The following MED28 variants were observed in gnomAD, a reference collection of about 807,000 sequenced individuals.
MED28 encodes mediator complex subunit 28.
In MED28, 26 loss-of-function variants were observed where a neutral mutation model predicts 21.3. The ratio of observed to expected loss-of-function variants is 1.22; its 90% CI spans 0.89 to 1.69. The LOEUF (loss-of-function observed/expected upper bound fraction) is 1.69, where lower values mean the gene tolerates loss of function less well. Among genes scored for constraint, MED28 ranks in the 40% most tolerant of loss-of-function variants. MED28 has a pLI of 0.00. For synonymous variants in MED28, 110 were observed against 87.6 expected, an observed-to-expected ratio of 1.26 and a Z score of -1.43; for missense variants, 257 against 215.4, an observed-to-expected ratio of 1.19 and a Z score of -1.21.
chr4:17,632,916 CA>C lies in MED28; in HGVS notation c.*9120del. The C allele has an allele frequency of 4.6e-6, 1 of 217,696 alleles. No individual in the cohort carries two copies. Among genetic ancestry groups the C allele is most frequent in the Non-Finnish European group, 9.3e-6 (1 of 107,516 alleles). 13.5% of individuals were successfully genotyped at this position (217,696 alleles called of 1,614,324 possible). A position where few individuals can be genotyped will look rare whatever the true frequency, so the allele number is the denominator to read the frequency against. On this transcript the variant is annotated 3_prime_UTR_variant, in exon 4 of 4. Transcript: ENST00000237380. ...TGCAGGATTAACCAAACCTACAGAT[CA>C]AGAGACTTTGTTTTTATTTTTTGTG...
chr4:17,624,045 CTG>C lies in MED28; in HGVS notation c.*250_*251del, dbSNP rs894490330. The C allele has an allele frequency of 2.0e-6, 1 of 494,002 alleles. No individual in the cohort carries two copies. Among genetic ancestry groups the C allele is most frequent in the Non-Finnish European group, 3.6e-6 (1 of 274,970 alleles). 30.6% of individuals were successfully genotyped at this position (494,002 alleles called of 1,614,324 possible). A position where few individuals can be genotyped will look rare whatever the true frequency, so the allele number is the denominator to read the frequency against. On this transcript the variant is annotated 3_prime_UTR_variant, in exon 4 of 4. Transcript: ENST00000237380. Reference sequence around the variant, plus strand: ...TTTTTTGTCTTTAGCAAAGTTTAGACTGTGAATATGATGACACAGATTCTTTT... The same window carrying C: ...TTTTTTGTCTTTAGCAAAGTTTAGACTGAATATGATGACACAGATTCTTTT...
In MED28 at chr4:17,614,719, G is replaced by T. The variant is rs756555671; in HGVS notation, c.65G>T (p.Gly22Val). The change falls in exon 1 of 4, where the codon GGC becomes GTC. Residue 22 changes from glycine (G) to valine (V), a missense_variant. Coordinates refer to ENST00000237380, the MANE Select transcript of MED28 (RefSeq NM_025205.5). ...CCCGGTCCCCCTCAGGCCCCGCCGG[G>T]CCTTCCGGGCCAAGCTTCGCTTCTT... The part of the protein sequence containing the change: ...QPPGPPQAPP[G>V]LPGQASLLQA... 7 of 1,614,216 alleles carry T rather than the reference G, an allele frequency of 4.3e-6. No individual in the cohort carries two copies. Among genetic ancestry groups the T allele is most frequent in the Non-Finnish European group, 5.9e-6 (7 of 1,180,040 alleles).
rs1328613596 is a variant in MED28 at position 17,626,906 on chromosome 4, T to G, written c.*3108T>G. On this transcript the variant is annotated 3_prime_UTR_variant, in exon 4 of 4. Coordinates refer to ENST00000237380, the MANE Select transcript of MED28 (RefSeq NM_025205.5). The stretch of plus-strand genomic sequence containing the variant: ...ATTTGACATTCCTCCCAGAAGAACC[T>G]CTGCCTCCCAGAGGTTTAAGCAGTT... 1.3e-5 allele frequency: 2 copies of G among 151,092 alleles called. No individual in the cohort carries two copies. The highest frequency in any genetic ancestry group is 1.3e-4 in the Admixed American group (2 of 15,156). The allele number at this position is 151,092 out of a possible 1,614,324, so 9.4% of individuals were successfully genotyped here.
intron 3 of MED28, among the ~76,000 whole-genome samples, chr4:17,623,221 CA>C (rs1162512946): frequency 6.6e-6 from 1 of 151,994 alleles, no homozygotes; most frequent in Non-Finnish European, 1.5e-5. Context: ...GCCAACATGG[CA>C]AAACCGCATC....
chr4:17,622,870 C>T (rs1714675413), intron 3 of MED28, among the ~76,000 whole-genome samples: 1 of 152,138 alleles, frequency 6.6e-6, no homozygotes, highest in Non-Finnish European at 1.5e-5. Flanking sequence ...CAAGGAAACT[C>T]CCATTTTTAA....
intron 1 of MED28, among the ~76,000 whole-genome samples, chr4:17,616,550 T>G (rs1172641489): frequency 6.6e-6 from 1 of 152,202 alleles, no homozygotes; most frequent in East Asian, 1.9e-4. Flanking sequence ...TGTTGCGTTC[T>G]CTCCTTCAGA....
chr4:17,622,814 G>C (rs1714672490), intron 3 of MED28, among the ~76,000 whole-genome samples: 1 of 152,210 alleles, frequency 6.6e-6, no homozygotes, highest in African/African-American at 2.4e-5. Context: ...GGCAGAAGGT[G>C]AAAGACACAT....
Position 17,631,937 on chromosome 4 carries a change from A to C in MED28, c.*8139A>C, listed in dbSNP as rs985268527. On this transcript the variant is annotated 3_prime_UTR_variant, in exon 4 of 4. Coordinates refer to ENST00000237380, the MANE Select transcript of MED28 (RefSeq NM_025205.5). Reference sequence around the variant, plus strand: ...AAATCACAAAGTCTGATGTTCCACAAAATGGAGTATGATGTTATGGACACT... The same window carrying C: ...AAATCACAAAGTCTGATGTTCCACACAATGGAGTATGATGTTATGGACACT... 6.6e-6 allele frequency: 1 copy of C among 152,196 alleles called. No homozygotes were observed. The highest frequency in any genetic ancestry group is 1.5e-5 in the Non-Finnish European group (1 of 68,040). 9.4% of individuals were successfully genotyped at this position (152,196 alleles called of 1,614,324 possible).
In MED28 at chr4:17,632,399, A is replaced by C. The variant is rs1386677419; in HGVS notation, c.*8601A>C. ...AGAACAGTATGAAGTGTTAACGCCA[A>C]AATTTGTTTTAGCTATCATATATAA... On this transcript the variant is annotated 3_prime_UTR_variant, in exon 4 of 4. Coordinates refer to ENST00000237380, the MANE Select transcript of MED28 (RefSeq NM_025205.5). 4.2e-6 allele frequency: 3 copies of C among 715,376 alleles called. No homozygotes were observed. Among genetic ancestry groups the C allele is most frequent in the South Asian group, 3.9e-5 (2 of 51,278 alleles). 44.3% of individuals were successfully genotyped at this position (715,376 alleles called of 1,614,324 possible).
rs930461601 is a variant in MED28, at chr4:17,620,494, C to T, written c.226+527C>T. 9.9e-5 allele frequency among the ~76,000 whole-genome samples: 15 copies of T among 152,102 alleles called. No homozygotes were observed. In the South Asian group the frequency reaches 1.0e-3, roughly 11 times the overall value. ...AACTACAGGCATGCACTACCATACTCAGCTAATTTTATATTTTTAGTAGAG... is the reference window on the plus strand; with the variant it reads ...AACTACAGGCATGCACTACCATACTTAGCTAATTTTATATTTTTAGTAGAG... On this transcript the variant is annotated intron_variant, in intron 2 of 3. Coordinates refer to ENST00000237380, the MANE Select transcript of MED28 (RefSeq NM_025205.5).
intron 1 of MED28, among the ~76,000 whole-genome samples, chr4:17,615,673 G>C (rs559760123): frequency 9.2e-5 from 14 of 152,216 alleles, no homozygotes; most frequent in Admixed American, 6.5e-4. Flanking sequence ...AGCCAGGCGT[G>C]GTGGCGTGCG....
chr4:17,625,692 C>A lies in MED28; in HGVS notation c.*1894C>A. On this transcript the variant is annotated 3_prime_UTR_variant, in exon 4 of 4. Transcript: ENST00000237380. The stretch of plus-strand genomic sequence containing the variant: ...GGTGATGAATAATCCTCTAAGAAAC[C>A]CTCTGAGCTGCTAACTTTTTCAGGG... 2.2e-6 allele frequency: 1 copy of A among 446,840 alleles called. No homozygotes were observed. The allele number at this position is 446,840 out of a possible 1,614,324, so 27.7% of individuals were successfully genotyped here. A position where few individuals can be genotyped will look rare whatever the true frequency, so the allele number is the denominator to read the frequency against.
intron 1 of MED28, among the ~76,000 whole-genome samples, chr4:17,615,856 G>C (rs1432503052): frequency 1.3e-5 from 2 of 149,930 alleles, no homozygotes; most frequent in Non-Finnish European, 2.9e-5. Flanking sequence ...CCAACTTTGT[G>C]ACTTTTGTAT....
intron 3 of MED28, among the ~76,000 whole-genome samples, chr4:17,622,943 C>T (rs147098506): frequency 0.012 from 1,797 of 152,204 alleles, 41 homozygotes; most frequent in African/African-American, 0.041. Flanking sequence ...GACTTGCCCC[C>T]GTGATTCAAT....
At position 17,633,518 on chromosome 4, in the gene MED28, T is replaced by G; in HGVS notation, c.*9720T>G. ...CCTCCAGGCCAGATGGAGTCCACCT[T>G]TTGTATAACCCATGCTGAAGTTTTC... On this transcript the variant is annotated 3_prime_UTR_variant, in exon 4 of 4. Coordinates refer to ENST00000237380, the MANE Select transcript of MED28 (RefSeq NM_025205.5). 1 of 559,242 alleles carries G rather than the reference T, an allele frequency of 1.8e-6. No homozygotes were observed. Among genetic ancestry groups the G allele is most frequent in the Non-Finnish European group, 3.0e-6 (1 of 331,548 alleles). 34.6% of individuals were successfully genotyped at this position (559,242 alleles called of 1,614,324 possible).
rs959032341 is a variant in MED28, at chr4:17,626,734, C to T, written c.*2936C>T. 6.6e-6 allele frequency: 1 copy of T among 152,052 alleles called. No homozygotes were observed. The highest frequency in any genetic ancestry group is 1.5e-5 in the Non-Finnish European group (1 of 68,130). The allele number at this position is 152,052 out of a possible 1,614,324, so 9.4% of individuals were successfully genotyped here. On this transcript the variant is annotated 3_prime_UTR_variant, in exon 4 of 4. Coordinates refer to ENST00000237380, the MANE Select transcript of MED28 (RefSeq NM_025205.5). ...TTGCCCAGGCTGTAGTGCAGTGGCA[C>T]AACGGGGTCCCACAGGCAAGTGCTG...
In MED28 at chr4:17,620,141, G is replaced by A. The variant is rs143752172; in HGVS notation, c.226+174G>A. On this transcript the variant is annotated intron_variant, in intron 2 of 3. Coordinates refer to ENST00000237380, the MANE Select transcript of MED28 (RefSeq NM_025205.5). ...TGATTTTTGGTTCAGTTTATTAATT[G>A]ACATATCACCCATAACGAATCATTT... 219 of 620,902 alleles carry A rather than the reference G, an allele frequency of 3.5e-4. 1 individual carries two copies. The highest frequency in any genetic ancestry group is 3.5e-3 in the African/African-American group (190 of 54,228). The allele number at this position is 620,902 out of a possible 1,614,324, so 38.5% of individuals were successfully genotyped here.
chr4:17,622,074 G>A (rs1161813473), intron 3 of MED28, among the ~76,000 whole-genome samples: 2 of 152,330 alleles, frequency 1.3e-5, no homozygotes, highest in East Asian at 3.9e-4. Flanking sequence ...CTTGCACACA[G>A]GAATCCAAGG....
In MED28 at chr4:17,633,983, G is replaced by T. The variant is rs1715047284; in HGVS notation, c.*10185G>T. On this transcript the variant is annotated 3_prime_UTR_variant, in exon 4 of 4. Coordinates refer to ENST00000237380, the MANE Select transcript of MED28 (RefSeq NM_025205.5). ...AAATAATGCTCACCCAATCAAAATT[G>T]TATCGGAGAAGAAGCAACAATTTCA... 9.8e-7 allele frequency: 1 copy of T among 1,016,580 alleles called. No homozygotes were observed. 63.0% of individuals were successfully genotyped at this position (1,016,580 alleles called of 1,614,324 possible). A position where few individuals can be genotyped will look rare whatever the true frequency, so the allele number is the denominator to read the frequency against.
Sources: gnomAD v4.1 joint callset for allele counts (sites outside exome capture counted in the v4.1 genomes callset) on GRCh38, gnomAD v4.1.1 for gene constraint, MANE v1.5 for transcripts, NCBI Gene and HGNC (gene_info 2026-07-23, HGNC 2026-07-21) for gene names.